DGLUCY: variants seen among roughly 807,000 people sequenced by gnomAD.
The protein encoded by DGLUCY is D-glutamate cyclase.
In DGLUCY, 58 loss-of-function variants were observed where a neutral mutation model predicts 58.5. The observed-to-expected ratio is 0.99, with a 90% confidence interval of 0.80 to 1.23. DGLUCY has a LOEUF of 1.23. Among genes scored for constraint, DGLUCY ranks in the 50% most tolerant of loss-of-function variants. The probability of loss-of-function intolerance (pLI) is 0.00; values close to 1 mark genes in which losing one functional copy is unlikely to be tolerated. For missense variants in DGLUCY, 779 were observed against 784.7 expected, an observed-to-expected ratio of 0.99 and a Z score of 0.09; for synonymous variants, 325 against 314.1, an observed-to-expected ratio of 1.03 and a Z score of -0.37.
chr14:91,170,066 G>A lies in DGLUCY; in HGVS notation c.321G>A (p.Leu107=), dbSNP rs1566980162. ...CCTGCACCGGCAGCCTGGCTTCGCTGGAGCAGTACTCGGAGCAGCTGAAGG... is the reference window on the plus strand; with the variant it reads ...CCTGCACCGGCAGCCTGGCTTCGCTAGAGCAGTACTCGGAGCAGCTGAAGG... ...FGACTGSLAS[L]EQYSEQLKDM... Residue 107 remains leucine, a synonymous_variant, in exon 5 of 14, where the codon CTG becomes CTA. Coordinates refer to ENST00000256324, the MANE Select transcript of DGLUCY (RefSeq NM_001102368.3). 4 of 1,612,388 alleles carry A rather than the reference G, an allele frequency of 2.5e-6. No individual in the cohort carries two copies. The highest frequency in any genetic ancestry group is 3.4e-6 in the Non-Finnish European group (4 of 1,180,022).
At chr14:91,084,089 A>G (rs1191121508) in intron 1 of DGLUCY, among the ~76,000 whole-genome samples, 1 of 152,120 alleles carries the variant, frequency 6.6e-6, no homozygotes, top group Non-Finnish European at 1.5e-5. Context: ...AGGGCTGGCA[A>G]TACATGTTGT....
rs557130434 is a variant in DGLUCY, at chr14:91,133,364, A to G, written c.-82+19081A>G. Among the ~76,000 whole-genome samples the G allele has an allele frequency of 5.3e-5, 8 of 152,294 alleles. No homozygotes were observed. The East Asian group carries it at 1.5e-3, about 29-fold the overall frequency. On this transcript the variant is annotated intron_variant, in intron 1 of 13. Transcript: ENST00000256324. ...GGCTGAATAATATTCCATTGTCTGT[A>G]TATACCAAATTTGTTTATCTATTCA...
chr14:91,110,015 A>G (rs1009634186), upstream of DGLUCY, among the ~76,000 whole-genome samples: 1 of 152,236 alleles, frequency 6.6e-6, no homozygotes, highest in Non-Finnish European at 1.5e-5. Flanking sequence ...ATTACTTGGC[A>G]TACAATAGTT....
intron 7 of DGLUCY, among the ~76,000 whole-genome samples, chr14:91,179,001 G>A (rs2049010800): frequency 6.6e-6 from 1 of 152,104 alleles, no homozygotes; most frequent in South Asian, 2.1e-4. Context: ...TCCAGCCTGG[G>A]TGATAGAGCG....
At chr14:91,084,272 C>T (rs558510189) in intron 1 of DGLUCY, among the ~76,000 whole-genome samples, 6 of 150,704 alleles carry the variant, frequency 4.0e-5, no homozygotes, top group African/African-American at 1.5e-4. Flanking sequence ...GGCCCAATCT[C>T]GGCTCACTGC....
chr14:91,147,925 G>A (rs1223793685), intron 1 of DGLUCY: 3 of 152,250 alleles, frequency 2.0e-5, no homozygotes, highest in Non-Finnish European at 4.4e-5. Context: ...TGTAGTCCCA[G>A]CACTTTGGGA....
chr14:91,202,039 G>A (rs1595906683), intron 11 of DGLUCY, among the ~76,000 whole-genome samples: 1 of 69,462 alleles, frequency 1.4e-5, no homozygotes, highest in East Asian at 6.1e-4. Context: ...TGGGCGACAA[G>A]AGCAAGACTC....
chr14:91,208,745 T>C (rs1229086675), intron 12 of DGLUCY, among the ~76,000 whole-genome samples: 3 of 151,978 alleles, frequency 2.0e-5, no homozygotes, highest in Admixed American at 2.0e-4. Flanking sequence ...TCAGACCCTG[T>C]CTCAAAAAAA....
At chr14:91,122,586 A>G (rs2045434976) in intron 1 of DGLUCY, among the ~76,000 whole-genome samples, 1 of 150,052 alleles carries the variant, frequency 6.7e-6, no homozygotes, top group Non-Finnish European at 1.5e-5. Context: ...TATTTTAACT[A>G]TAATAAAAGA....
chr14:91,090,165 C>T (rs543228603), intron 1 of DGLUCY, among the ~76,000 whole-genome samples: 3 of 152,148 alleles, frequency 2.0e-5, no homozygotes, highest in Admixed American at 6.6e-5. Flanking sequence ...TTCATTGCAC[C>T]GCCACAGGGA....
chr14:91,114,556 C>G (rs2044794105), intron 1 of DGLUCY: 1 of 152,234 alleles, frequency 6.6e-6, no homozygotes, highest in Non-Finnish European at 1.5e-5. Flanking sequence ...CCTCTGTTCT[C>G]TCTCCTGCAA....
chr14:91,067,961 T>G (rs1452239135), intron 1 of DGLUCY, among the ~76,000 whole-genome samples: 1 of 151,852 alleles, frequency 6.6e-6, no homozygotes, highest in African/African-American at 2.4e-5. Context: ...AGTTAGGGGG[T>G]GGTGTGAAGT....
At chr14:91,196,744 TAAAA>T (rs146566022) in intron 10 of DGLUCY, among the ~76,000 whole-genome samples, 436 of 94,828 alleles carry the variant, frequency 4.6e-3, no homozygotes, top group Non-Finnish European at 5.1e-3. Context: ...GACATAGCAC[TAAAA>T]AAAAAAAAAA....
chr14:91,220,252 C>T (rs948466236), intron 13 of DGLUCY, among the ~76,000 whole-genome samples: 4 of 152,218 alleles, frequency 2.6e-5, no homozygotes, highest in African/African-American at 4.8e-5. Flanking sequence ...CAGCATTCCT[C>T]GGTCTCCTCG....
chr14:91,117,275 C>G (rs187897470), intron 1 of DGLUCY, among the ~76,000 whole-genome samples: 41 of 152,282 alleles, frequency 2.7e-4, no homozygotes, highest in African/African-American at 9.4e-4. Context: ...TGGCTGGTTT[C>G]TTTACCACAA....
chr14:91,073,931 G>A (rs745686305), intron 1 of DGLUCY, among the ~76,000 whole-genome samples: 26 of 151,388 alleles, frequency 1.7e-4, no homozygotes, highest in Non-Finnish European at 3.5e-4. Context: ...GACCAGCCCG[G>A]GCAATATAGC....
Position 91,084,914 on chromosome 14 carries a change from G to T in DGLUCY, c.-82+24210G>T, listed in dbSNP as rs144691198. ...TTGTGTTTATCAAGGGAGGGTGGTG[G>T]TGGTGTGATTTTTCAAAGTTAAAAG... is the stretch of plus-strand genomic sequence containing the variant. On this transcript the variant is annotated intron_variant, in intron 1 of 4. Coordinates refer to the DGLUCY transcript ENST00000521334. Among the ~76,000 whole-genome samples, 480 of 152,268 alleles carry T rather than the reference G, an allele frequency of 3.2e-3. 5 individuals carry two copies. The highest frequency in any genetic ancestry group is 0.011 in the African/African-American group (465 of 41,552).
At chr14:91,171,903 G>C (rs2048591475) in intron 5 of DGLUCY, among the ~76,000 whole-genome samples, 1 of 152,140 alleles carries the variant, frequency 6.6e-6, no homozygotes, top group Non-Finnish European at 1.5e-5. Flanking sequence ...CTCCTCCTGT[G>C]ATGTTCTCCC....
rs777583730 is a variant in DGLUCY at position 91,224,938 on chromosome 14, C to T, written c.*105C>T. On this transcript the variant is annotated 3_prime_UTR_variant, in exon 14 of 14. Transcript: ENST00000256324. ...AATCCTGCTAGTAAACACTGGTCTT[C>T]GGTGAGCAACGAACACTCGCCTGGC... 3.0e-4 allele frequency: 391 copies of T among 1,297,956 alleles called. 1 individual carries two copies. Among genetic ancestry groups the T allele is most frequent in the Non-Finnish European group, 3.7e-4 (361 of 973,736 alleles). 80.4% of individuals were successfully genotyped at this position (1,297,956 alleles called of 1,614,324 possible).
Sources: gnomAD v4.1 joint callset for allele counts (sites outside exome capture counted in the v4.1 genomes callset) on GRCh38, gnomAD v4.1.1 for gene constraint, MANE v1.5 for transcripts, NCBI Gene and HGNC (gene_info 2026-07-23, HGNC 2026-07-21) for gene names.